Variants in PRH1 observed in about 807,000 individuals in gnomAD.
PRH1 encodes the protein salivary acidic proline-rich phosphoprotein 1/2.
PRH1 carries 7 observed loss-of-function variants against 7.9 expected under a neutral mutation model. The ratio of observed to expected loss-of-function variants is 0.89; its 90% CI spans 0.50 to 1.67. PRH1 has a LOEUF of 1.67. PRH1 is among the 40% of genes most tolerant of loss of function. The pLI is 0.00. For missense variants in PRH1, 109 were observed against 223.6 expected (o/e 0.49, Z 3.27); for synonymous variants, 45 against 80.8 (o/e 0.56, Z 2.38).
At chr12:10,893,527 A>G (rs1350777006) in intron 2 of PRH1, among the ~76,000 whole-genome samples, 1 of 152,212 alleles carries the variant, frequency 6.6e-6, no homozygotes, top group Non-Finnish European at 1.5e-5. Context: ...GCATTATTAA[A>G]TGTCCCCTAG....
chr12:11,021,360 G>C (rs1941618176), intron 1 of PRH1, among the ~76,000 whole-genome samples: 1 of 151,554 alleles, frequency 6.6e-6, no homozygotes, highest in Non-Finnish European at 1.5e-5. Flanking sequence ...TAATTATAAA[G>C]AGAGATAATA....
chr12:11,048,762 C>T, upstream of PRH1: 1 of 314,060 alleles, frequency 3.2e-6, no homozygotes, highest in Non-Finnish European at 6.3e-6. Flanking sequence ...TCAATTTGAT[C>T]ATCCAAGACA....
At chr12:11,004,242 C>T (rs572400939) in intron 1 of PRH1, among the ~76,000 whole-genome samples, 102 of 152,182 alleles carry the variant, frequency 6.7e-4, no homozygotes, top group African/African-American at 2.4e-3. Flanking sequence ...CGCCTGTAAT[C>T]CCAGCACTTT....
intron 1 of PRH1, among the ~76,000 whole-genome samples, chr12:11,160,990 T>C (rs1054041254): frequency 1.3e-5 from 2 of 152,188 alleles, no homozygotes; most frequent in African/African-American, 2.4e-5. Flanking sequence ...TCTAAGCATA[T>C]AGACTATATT....
downstream of PRH1, among the ~76,000 whole-genome samples, chr12:11,117,940 A>T (rs943992331): frequency 1.3e-5 from 2 of 152,244 alleles, no homozygotes; most frequent in African/African-American, 4.8e-5. Context: ...TATGATTAAG[A>T]TCTCAAACCA....
intron 2 of PRH1, among the ~76,000 whole-genome samples, chr12:10,916,232 A>C (rs1423793778): frequency 6.6e-6 from 1 of 152,120 alleles, no homozygotes; most frequent in Non-Finnish European, 1.5e-5. Context: ...AGACCCGCCC[A>C]CGATTCAGTT....
chr12:10,980,253 A>C (rs111749868), intron 1 of PRH1, among the ~76,000 whole-genome samples: 1,654 of 152,316 alleles, frequency 0.011, 18 homozygotes, highest in Non-Finnish European at 0.018. Flanking sequence ...TGAGACACTA[A>C]CTGTACCAAA....
At chr12:10,951,048 G>A (rs1158826523) in intron 2 of PRH1, among the ~76,000 whole-genome samples, 7 of 152,090 alleles carry the variant, frequency 4.6e-5, no homozygotes, top group South Asian at 2.1e-4. Flanking sequence ...ATAGGAAAGC[G>A]CTAGGGCATA....
intron 1 of PRH1, among the ~76,000 whole-genome samples, chr12:10,983,802 T>G (rs569663090): frequency 9.9e-5 from 15 of 152,164 alleles, no homozygotes; most frequent in African/African-American, 3.4e-4. Flanking sequence ...AGCAGAGTCA[T>G]ATCATACATC....
intron 1 of PRH1, among the ~76,000 whole-genome samples, chr12:10,979,497 G>C (rs1023169895): frequency 2.0e-5 from 3 of 152,170 alleles, no homozygotes; most frequent in African/African-American, 7.2e-5. Context: ...TTTTAGGACA[G>C]ACAGGCAGAC....
intron 2 of PRH1, chr12:10,909,478 A>C: frequency 1.7e-6 from 1 of 575,264 alleles, no homozygotes; most frequent in East Asian, 2.8e-5. Context: ...CGATCTTCAC[A>C]TAACTGTTCT....
chr12:11,146,050 T>A (rs1339460332), intron 1 of PRH1, among the ~76,000 whole-genome samples: 1 of 152,162 alleles, frequency 6.6e-6, no homozygotes, highest in Non-Finnish European at 1.5e-5. Context: ...ATAAAGTGTA[T>A]GTATTTTTAT....
At chr12:11,105,023 G>A (rs1336097806) in intron 1 of PRH1, among the ~76,000 whole-genome samples, 1 of 151,232 alleles carries the variant, frequency 6.6e-6, no homozygotes, top group African/African-American at 2.4e-5. Flanking sequence ...ATTATAAATT[G>A]TCTAACCTTT....
chr12:10,907,684 T>C (rs1046143092), intron 2 of PRH1, among the ~76,000 whole-genome samples: 6 of 152,098 alleles, frequency 3.9e-5, no homozygotes, highest in African/African-American at 1.2e-4. Flanking sequence ...GGCACTGACA[T>C]TGTGGTCACA....
intron 2 of PRH1, among the ~76,000 whole-genome samples, chr12:10,934,630 A>C (rs1950261052): frequency 6.6e-6 from 1 of 150,876 alleles, no homozygotes. Context: ...TAAAAAAAAA[A>C]CTATAGGCTC....
rs540607044 is a variant in PRH1 at position 11,092,670 on chromosome 12, A to T, written n.124-45482T>A. Among the ~76,000 whole-genome samples the T allele has an allele frequency of 1.1e-4, 13 of 115,520 alleles. 3 individuals carry two copies. The South Asian group carries it at 1.4e-3, about 13-fold the overall frequency. The allele number at this position is 115,520 out of a possible 152,430, so 75.8% of individuals were successfully genotyped here. A position where few individuals can be genotyped will look rare whatever the true frequency, so the allele number is the denominator to read the frequency against. On this transcript the variant is annotated intron_variant and non_coding_transcript_variant, in intron 1 of 4. Coordinates refer to the PRH1 transcript ENST00000541977. The stretch of plus-strand genomic sequence containing the variant: ...ATTGCTGTGGTTTTACAGTGCGCTG[A>T]TTGGTGCATTTTACAATCCCCTTGC...
intron 1 of PRH1, among the ~76,000 whole-genome samples, chr12:11,029,273 A>C (rs75191399): frequency 7.3e-6 from 1 of 137,268 alleles, no homozygotes. Flanking sequence ...TTCCTATTAA[A>C]GAATATGTCA....
At position 11,061,550 on chromosome 12, in the gene PRH1, C is replaced by T. The variant is rs764041640; in HGVS notation, n.124-14362G>A. ...TTTTCCAGACTCTCAAAACTCCAAA[C>T]TGACATGATTATGGACAGAAAGTAA... is the stretch of plus-strand genomic sequence containing the variant. On this transcript the variant is annotated intron_variant and non_coding_transcript_variant, in intron 1 of 4. Coordinates refer to the PRH1 transcript ENST00000541977. The T allele has an allele frequency of 3.1e-6, 5 of 1,614,104 alleles. No individual in the cohort carries two copies. The East Asian group carries it at 8.9e-5, about 29-fold the overall frequency.
chr12:10,907,812 G>A, intron 2 of PRH1: 2 of 150,760 alleles, frequency 1.3e-5, no homozygotes, highest in South Asian at 4.2e-4. Context: ...AAATATGTAT[G>A]TACACATACA....
Sources: allele counts gnomAD v4.1 joint callset (sites outside exome capture counted in the v4.1 genomes callset), GRCh38; gene constraint gnomAD v4.1.1; transcripts MANE v1.5; gene names NCBI Gene and HGNC (gene_info 2026-07-23, HGNC 2026-07-21).